The following ZNF536 variants were observed in gnomAD, a reference collection of about 807,000 sequenced individuals.
The protein encoded by ZNF536 is zinc finger protein 536.
In ZNF536, 13 loss-of-function variants were observed where a neutral mutation model predicts 84.5. That is an observed-to-expected ratio of 0.15 (90% CI 0.10 to 0.24). The LOEUF is 0.24. ZNF536 is among the 10% of genes least tolerant of loss of function. ZNF536 has a pLI of 1.00. For synonymous variants in ZNF536, 811 were observed against 742.5 expected (o/e 1.09, Z -1.50); for missense variants, 1,536 against 1,747.5 (o/e 0.88, Z 2.16).
At chr19:30,332,998 C>T (rs889895786) in intron 2 of ZNF536, among the ~76,000 whole-genome samples, 22 of 152,126 alleles carry the variant, frequency 1.4e-4, no homozygotes, top group African/African-American at 5.3e-4. Context: ...GGGAGGATAG[C>T]TTGAGCCCAG....
At chr19:30,639,509 G>A (rs2049188269) in intron 1 of ZNF536, among the ~76,000 whole-genome samples, 1 of 152,156 alleles carries the variant, frequency 6.6e-6, no homozygotes, top group African/African-American at 2.4e-5. Flanking sequence ...CAGCTACCCT[G>A]GCAGGCAGCA....
upstream of ZNF536, among the ~76,000 whole-genome samples, chr19:30,372,199 G>A (rs2048634551): frequency 6.6e-6 from 1 of 152,230 alleles, no homozygotes; most frequent in Admixed American, 6.5e-5. Flanking sequence ...TGTACAGAGA[G>A]AGTGAAAACA....
At chr19:30,605,388 CT>C (rs1447854048) in intron 1 of ZNF536, among the ~76,000 whole-genome samples, 1 of 152,096 alleles carries the variant, frequency 6.6e-6, no homozygotes, top group African/African-American at 2.4e-5. Context: ...ACTCTTATGC[CT>C]TTGCATCCTC....
intron 1 of ZNF536, among the ~76,000 whole-genome samples, chr19:30,229,062 C>G (rs546290083): frequency 5.0e-4 from 76 of 151,982 alleles, no homozygotes; most frequent in Admixed American, 1.1e-3. Flanking sequence ...CGCGCCGCGC[C>G]GTAAATGCAA....
intron 1 of ZNF536, among the ~76,000 whole-genome samples, chr19:30,647,370 T>A (rs2049514715): frequency 6.6e-6 from 1 of 152,188 alleles, no homozygotes; most frequent in Non-Finnish European, 1.5e-5. Context: ...TGGGTGTTTT[T>A]AAAAGGTATT....
At chr19:30,278,765 A>G (rs2045331764) in intron 1 of ZNF536, among the ~76,000 whole-genome samples, 1 of 152,052 alleles carries the variant, frequency 6.6e-6, no homozygotes, top group Non-Finnish European at 1.5e-5. Flanking sequence ...TCCAGCTCAC[A>G]CCAGATCCTC....
intron 3 of ZNF536, among the ~76,000 whole-genome samples, chr19:30,545,383 G>GTTTTTTT (rs2045503833): frequency 1.2e-5 from 1 of 85,230 alleles, no homozygotes; most frequent in African/African-American, 4.5e-5. Context: ...GCTCCCATAT[G>GTTTTTTT]TCTTTTTTTT....
intron 1 of ZNF536, among the ~76,000 whole-genome samples, chr19:30,610,125 C>G (rs1009625803): frequency 2.6e-5 from 4 of 152,242 alleles, no homozygotes; most frequent in Admixed American, 2.6e-4. Context: ...ACATCCCCAG[C>G]CCTCAGAAAC....
chr19:30,518,078 G>A (rs1282508235), intron 2 of ZNF536, among the ~76,000 whole-genome samples: 1 of 152,062 alleles, frequency 6.6e-6, no homozygotes, highest in African/African-American at 2.4e-5. Flanking sequence ...AGAAACTTCT[G>A]CATGCCAGTG....
At chr19:30,378,275 C>T (rs1424231295) in intron 1 of ZNF536, among the ~76,000 whole-genome samples, 1 of 152,172 alleles carries the variant, frequency 6.6e-6, no homozygotes, top group African/African-American at 2.4e-5. Flanking sequence ...ATTCTTGTGC[C>T]TCAGCCTCTC....
intron 2 of ZNF536, among the ~76,000 whole-genome samples, chr19:30,291,617 G>C (rs1051817399): frequency 6.6e-6 from 1 of 152,162 alleles, no homozygotes; most frequent in African/African-American, 2.4e-5. Flanking sequence ...GGAATTGCGG[G>C]ATCTATGGTA....
chr19:30,411,050 C>T (rs998166583), intron 1 of ZNF536, among the ~76,000 whole-genome samples: 1 of 152,086 alleles, frequency 6.6e-6, no homozygotes, highest in African/African-American at 2.4e-5. Context: ...TAGGTATTTT[C>T]CAATGGGTCA....
intron 2 of ZNF536, among the ~76,000 whole-genome samples, chr19:30,304,944 T>G (rs2046301502): frequency 6.6e-6 from 1 of 152,132 alleles, no homozygotes; most frequent in Non-Finnish European, 1.5e-5. Flanking sequence ...GTCAGAGGAG[T>G]GCCTGTTCTT....
intron 1 of ZNF536, among the ~76,000 whole-genome samples, chr19:30,663,492 T>G (rs2050198122): frequency 6.6e-6 from 1 of 152,238 alleles, no homozygotes; most frequent in South Asian, 2.1e-4. Context: ...AATATTTACC[T>G]TAGAAATGAA....
rs768223202 is a variant in ZNF536 at position 30,548,485 on chromosome 19, G to A, written c.2866G>A (p.Glu956Lys). The change falls in exon 4 of 5, where the codon GAG becomes AAG. Residue 956 changes from glutamate (E) to lysine (K), a missense_variant. Physicochemically the swap from Glu to Lys is moderately conservative, Grantham distance 56. Transcript: ENST00000355537. ...GAAAGTCCACGGAGTGGATGGTGGT[G>A]AGGAGAAACCCAGTGGCAAGTCCTC... ...SMKVHGVDGG[E>K]EKPSGKSSQR... is the part of the protein sequence containing the mutation. 1.9e-6 allele frequency: 3 copies of A among 1,614,180 alleles called. No individual in the cohort carries two copies. Among genetic ancestry groups the A allele is most frequent in the Non-Finnish European group, 2.5e-6 (3 of 1,180,044 alleles).
chr19:30,398,459 A>G (rs954805059), intron 1 of ZNF536, among the ~76,000 whole-genome samples: 3 of 151,020 alleles, frequency 2.0e-5, no homozygotes, highest in African/African-American at 7.3e-5. Flanking sequence ...TTACATAGGT[A>G]TACACACGCC....
chr19:30,271,171 C>T (rs1205849107), intron 1 of ZNF536, among the ~76,000 whole-genome samples: 1 of 152,004 alleles, frequency 6.6e-6, no homozygotes, highest in Non-Finnish European at 1.5e-5. Flanking sequence ...AGCAGCTGCT[C>T]AATATGCCAG....
At chr19:30,405,747 T>C (rs1046818937) in intron 1 of ZNF536, among the ~76,000 whole-genome samples, 1 of 152,112 alleles carries the variant, frequency 6.6e-6, no homozygotes, top group South Asian at 2.1e-4. Context: ...TACTGAAGAA[T>C]GTGGAGGCCC....
At chr19:30,375,900 G>A (rs1035515825) in intron 1 of ZNF536, among the ~76,000 whole-genome samples, 8 of 152,250 alleles carry the variant, frequency 5.3e-5, no homozygotes, top group Admixed American at 2.0e-4. Flanking sequence ...TTAGGGATAC[G>A]TGTAGATGTG....
Sources: gnomAD v4.1 joint callset for allele counts (sites outside exome capture counted in the v4.1 genomes callset) on GRCh38, gnomAD v4.1.1 for gene constraint, MANE v1.5 for transcripts, NCBI Gene and HGNC (gene_info 2026-07-23, HGNC 2026-07-21) for gene names.